The following EXOC6 variants were observed in gnomAD, a reference collection of about 807,000 sequenced individuals.
EXOC6 encodes the protein exocyst complex component 6.
A neutral mutation model predicts 112.5 loss-of-function variants in EXOC6; 60 were observed. That is an observed-to-expected ratio of 0.53 (90% CI 0.43 to 0.66). The LOEUF is 0.66. EXOC6 is among the 30% of genes least tolerant of loss of function. The pLI, the probability that EXOC6 is intolerant of heterozygous loss-of-function variation, is 0.00. For missense variants in EXOC6, 855 were observed against 957.1 expected (o/e 0.89, Z 1.41); for synonymous variants, 295 against 308.0 (o/e 0.96, Z 0.44).
intron 19 of EXOC6, among the ~76,000 whole-genome samples, chr10:93,007,239 T>TA (rs1844030311): frequency 6.6e-6 from 1 of 152,132 alleles, no homozygotes; most frequent in African/African-American, 2.4e-5. Context: ...ACAAACCCTT[T>TA]ACATTTTGCA....
At chr10:93,043,865 G>A (rs915040108) in intron 20 of EXOC6, among the ~76,000 whole-genome samples, 2 of 152,180 alleles carry the variant, frequency 1.3e-5, no homozygotes, top group Admixed American at 6.5e-5. Flanking sequence ...TGTAGTGAAG[G>A]TGTGACTTCA....
intron 19 of EXOC6, among the ~76,000 whole-genome samples, chr10:93,009,892 T>TA (rs1475324730): frequency 6.6e-6 from 1 of 152,352 alleles, no homozygotes; most frequent in Non-Finnish European, 1.5e-5. Flanking sequence ...TGAAGGATGT[T>TA]AAACTGTGAG....
intron 1 of EXOC6, among the ~76,000 whole-genome samples, chr10:92,829,216 G>A (rs1023543868): frequency 6.6e-6 from 1 of 152,100 alleles, no homozygotes; most frequent in African/African-American, 2.4e-5. Flanking sequence ...TTAGGGTAGG[G>A]TGGCCAGCTT....
Position 92,896,169 on chromosome 10 carries a change from ATATATATATATATTTTTTTTTTT to A in EXOC6, c.412+1151_412+1173del, listed in dbSNP as rs1849789211. Among the ~76,000 whole-genome samples the A allele has an allele frequency of 5.3e-4, 13 of 24,592 alleles. 3 individuals carry two copies. The highest frequency in any genetic ancestry group is 2.5e-3 in the African/African-American group (12 of 4,854). The allele number at this position is 24,592 out of a possible 152,430, so 16.1% of individuals were successfully genotyped here. On this transcript the variant is annotated intron_variant, in intron 4 of 21. Transcript: ENST00000260762. Reference sequence around the variant, plus strand: ...TGTGTATATATATATATATATATATATATATATATATATTTTTTTTTTTTTTTTTTTTTTTTTTTTTTTTTTTT... The same window carrying A: ...TGTGTATATATATATATATATATATATTTTTTTTTTTTTTTTTTTTTTTTT...
chr10:93,014,070 C>A, intron 19 of EXOC6, 124 bp from the exon 20 acceptor site: 1 of 699,382 alleles, frequency 1.4e-6, no homozygotes, highest in South Asian at 2.2e-5. Context: ...AAATAATCTT[C>A]ATTTGAAATG....
rs568602609 is a variant in EXOC6, at chr10:93,033,680, C to T, written c.2169+19413C>T. 1.9e-3 allele frequency among the ~76,000 whole-genome samples: 295 copies of T among 152,272 alleles called. 1 individual carries two copies. The highest frequency in any genetic ancestry group is 7.0e-3 in the African/African-American group (289 of 41,548). On this transcript the variant is annotated intron_variant, in intron 20 of 21. Coordinates refer to ENST00000260762, the MANE Select transcript of EXOC6 (RefSeq NM_019053.6). ...AGCGTTTGTTAGTGGACTCCTAAAACTGTTCGCAGTAAAAAGCATTAGGTG... is the reference window on the plus strand; with the variant it reads ...AGCGTTTGTTAGTGGACTCCTAAAATTGTTCGCAGTAAAAAGCATTAGGTG...
chr10:92,909,555 C>G lies in EXOC6; in HGVS notation c.587C>G (p.Ser196Cys), dbSNP rs1411079758. Residue 196 changes from serine to cysteine, a missense_variant, in exon 6 of 22, where the codon TCC (serine) becomes TGC (cysteine). Coordinates refer to ENST00000260762, the MANE Select transcript of EXOC6 (RefSeq NM_019053.6). ...PKLREDIKEI[S>C]MSDLKDFLES... The stretch of plus-strand genomic sequence containing the variant: ...CTCCGTGAGGATATTAAAGAAATCT[C>G]CATGTCTGATCTCAAAGACTTTTTG... 10 of 1,613,334 alleles carry G rather than the reference C, an allele frequency of 6.2e-6. No homozygotes were observed. Among genetic ancestry groups the G allele is most frequent in the Non-Finnish European group, 7.6e-6 (9 of 1,179,504 alleles).
intron 19 of EXOC6, among the ~76,000 whole-genome samples, chr10:93,005,332 G>A (rs932790829): frequency 1.2e-4 from 18 of 152,202 alleles, no homozygotes; most frequent in African/African-American, 4.3e-4. Flanking sequence ...AAGCTACATT[G>A]AACCTTTGAT....
chr10:92,849,330 C>T (rs1328977221), intron 1 of EXOC6, among the ~76,000 whole-genome samples: 2 of 152,220 alleles, frequency 1.3e-5, no homozygotes, highest in African/African-American at 4.8e-5. Context: ...TATTTACAAA[C>T]ATTTCATTAA....
chr10:93,000,589 A>G (rs1427681265), intron 19 of EXOC6, among the ~76,000 whole-genome samples: 2 of 152,208 alleles, frequency 1.3e-5, no homozygotes, highest in Non-Finnish European at 2.9e-5. Flanking sequence ...AGATATGAAA[A>G]GGGAGAGACC....
At chr10:92,883,875 G>A (rs187470185) in intron 1 of EXOC6, among the ~76,000 whole-genome samples, 1 of 152,064 alleles carries the variant, frequency 6.6e-6, no homozygotes, top group East Asian at 1.9e-4. Flanking sequence ...GTTAAGTTTT[G>A]TTTTCTTTTT....
intron 20 of EXOC6, among the ~76,000 whole-genome samples, chr10:93,052,570 C>T (rs1846349333): frequency 6.6e-6 from 1 of 151,992 alleles, no homozygotes; most frequent in African/African-American, 2.4e-5. Flanking sequence ...TTTTTGAATC[C>T]TTGGTGAAAA....
chr10:92,854,701 C>G (rs1313885198), intron 1 of EXOC6, among the ~76,000 whole-genome samples: 2 of 152,134 alleles, frequency 1.3e-5, no homozygotes, highest in African/African-American at 4.8e-5. Context: ...GGATAAATCC[C>G]ATTTGATCAT....
chr10:92,904,910 G>C (rs1238689726), intron 5 of EXOC6, among the ~76,000 whole-genome samples: 2 of 151,950 alleles, frequency 1.3e-5, no homozygotes, highest in Non-Finnish European at 2.9e-5. Flanking sequence ...TTATCTTCTA[G>C]AGTCTTAGAG....
intron 1 of EXOC6, among the ~76,000 whole-genome samples, chr10:92,840,125 T>TA (rs11432465): frequency 0.4 from 57,587 of 145,232 alleles, 11,411 homozygotes; most frequent in Middle Eastern, 0.51. Context: ...AAGAAAACAT[T>TA]AAAAAAAAAA....
At chr10:92,854,969 C>T (rs1048919154) in intron 1 of EXOC6, among the ~76,000 whole-genome samples, 1 of 152,108 alleles carries the variant, frequency 6.6e-6, no homozygotes, top group African/African-American at 2.4e-5. Flanking sequence ...TTTAATTACC[C>T]TTGCATTCCT....
At chr10:92,901,528 A>G (rs372627627) in intron 5 of EXOC6, 1 of 151,536 alleles carries the variant, frequency 6.6e-6, no homozygotes, top group East Asian at 1.9e-4. Context: ...AAATTTAACA[A>G]GAGAAACTTC....
At chr10:92,906,184 T>C (rs1034973573) in intron 5 of EXOC6, among the ~76,000 whole-genome samples, 1 of 152,172 alleles carries the variant, frequency 6.6e-6, no homozygotes, top group African/African-American at 2.4e-5. Flanking sequence ...AGTGTCAATA[T>C]GGTATATCTT....
At chr10:92,939,436 G>C (rs372621844) in intron 12 of EXOC6, among the ~76,000 whole-genome samples, 1 of 151,750 alleles carries the variant, frequency 6.6e-6, no homozygotes. Context: ...TGTGGCAGGG[G>C]TGGGGTGTTT....
Sources: gnomAD v4.1 joint callset for allele counts (sites outside exome capture counted in the v4.1 genomes callset) on GRCh38, gnomAD v4.1.1 for gene constraint, MANE v1.5 for transcripts, NCBI Gene and HGNC (gene_info 2026-07-23, HGNC 2026-07-21) for gene names.